Variants in PRKAR1A observed in about 807,000 individuals in gnomAD.
PRKAR1A encodes the protein cAMP-dependent protein kinase type I-alpha regulatory subunit.
Under a neutral mutation model 52.0 loss-of-function variants are expected in PRKAR1A, and 3 were observed. That is an observed-to-expected ratio of 0.06 (90% CI 0.03 to 0.15). PRKAR1A has a LOEUF of 0.15. PRKAR1A is among the 10% of genes least tolerant of loss of function. The pLI, the probability that PRKAR1A is intolerant of heterozygous loss-of-function variation, is 1.00. For missense variants in PRKAR1A, 240 were observed against 477.4 expected, an observed-to-expected ratio of 0.50 and a Z score of 4.63; for synonymous variants, 188 against 168.4, an observed-to-expected ratio of 1.12 and a Z score of -0.90.
the PRKAR1A span, among the ~76,000 whole-genome samples, chr17:68,442,783 C>T: frequency 6.6e-6 from 1 of 152,204 alleles, no homozygotes; most frequent in Non-Finnish European, 1.5e-5. Flanking sequence ...CAGAGTTAAA[C>T]ATGGTTCCAC....
chr17:68,436,555 A>G, the PRKAR1A span: 9 of 1,383,904 alleles, frequency 6.5e-6, no homozygotes, highest in Non-Finnish European at 8.2e-6. Context: ...GCATCTGAAA[A>G]CAGTACAGCT....
chr17:68,458,926 A>G, the PRKAR1A span, among the ~76,000 whole-genome samples: 1 of 152,142 alleles, frequency 6.6e-6, no homozygotes, highest in Non-Finnish European at 1.5e-5. Flanking sequence ...TGACAAAGCT[A>G]CTTTTATGTA....
chr17:68,455,584 G>A, the PRKAR1A span, among the ~76,000 whole-genome samples: 1 of 152,096 alleles, frequency 6.6e-6, no homozygotes, highest in Non-Finnish European at 1.5e-5. Flanking sequence ...ACCCTCTGTG[G>A]CTCAAAGCAA....
chr17:68,470,188 T>C, the PRKAR1A span, among the ~76,000 whole-genome samples: 1 of 151,928 alleles, frequency 6.6e-6, no homozygotes, highest in African/African-American at 2.4e-5. Context: ...GTTCAAGTGA[T>C]TCTCCTGCTT....
exon 12 of PRKAR1A, chr17:68,551,241 A>C: frequency 1.5e-5 from 12 of 811,662 alleles, no homozygotes; most frequent in East Asian, 6.7e-5. Flanking sequence ...TATTTCACTC[A>C]TCTCTATGTT....
At chr17:68,483,253 G>A in the PRKAR1A span, among the ~76,000 whole-genome samples, 1 of 151,838 alleles carries the variant, frequency 6.6e-6, no homozygotes, top group Non-Finnish European at 1.5e-5. Context: ...GGCAGAGGTG[G>A]GTGAATCACC....
chr17:68,427,380 A>C, the PRKAR1A span: 38 of 731,068 alleles, frequency 5.2e-5, no homozygotes, highest in Non-Finnish European at 7.9e-5. Context: ...TTTTTGAGGC[A>C]GGGTCTTGCT....
the PRKAR1A span, chr17:68,450,691 C>A: frequency 6.4e-7 from 1 of 1,571,852 alleles, no homozygotes. Flanking sequence ...CTCCCGTTAG[C>A]AGAAGCTTTG....
At chr17:68,437,014 A>ATGTGTG in the PRKAR1A span, among the ~76,000 whole-genome samples, 566 of 82,134 alleles carry the variant, frequency 6.9e-3, 5 homozygotes, top group African/African-American at 0.024. Context: ...AAATATATAT[A>ATGTGTG]TATGTGTGTG....
the PRKAR1A span, chr17:68,427,249 G>A: frequency 1.2e-6 from 2 of 1,612,774 alleles, no homozygotes; most frequent in Middle Eastern, 3.3e-4. Context: ...CCTGAGCCAA[G>A]CAAGCTACTT....
the PRKAR1A span, among the ~76,000 whole-genome samples, chr17:68,482,594 C>G: frequency 6.6e-6 from 1 of 152,136 alleles, no homozygotes; most frequent in African/African-American, 2.4e-5. Flanking sequence ...TTCCTTCACT[C>G]TGGGGCAATA....
chr17:68,502,266 G>T, the PRKAR1A span, among the ~76,000 whole-genome samples: 1 of 152,164 alleles, frequency 6.6e-6, no homozygotes, highest in Non-Finnish European at 1.5e-5. Context: ...TAAGGCAGGG[G>T]TTGGTAAGCT....
At chr17:68,509,249 C>T (rs540383214), upstream of PRKAR1A, among the ~76,000 whole-genome samples, 6 of 152,222 alleles carry the variant, frequency 3.9e-5, no homozygotes, top group South Asian at 2.1e-4. Context: ...TGCAGTGGTG[C>T]GATCATGGCT....
In PRKAR1A at chr17:68,515,142, C is replaced by G. The variant is rs2085389829; in HGVS notation, c.-6-252C>G. 3 of 499,518 alleles carry G rather than the reference C, an allele frequency of 6.0e-6. No homozygotes were observed. In the East Asian group the frequency reaches 1.1e-4, roughly 18 times the overall value. 30.9% of individuals were successfully genotyped at this position (499,518 alleles called of 1,614,324 possible). On this transcript the variant is annotated intron_variant, in intron 1 of 10. Transcript: ENST00000589228. Reference sequence around the variant, plus strand: ...GAGGTTAGTGGCTCATACTTCCTCCCAGGAGCTGAGGTTATCGACTCTCAC... The same window carrying G: ...GAGGTTAGTGGCTCATACTTCCTCCGAGGAGCTGAGGTTATCGACTCTCAC...
chr17:68,550,101 G>A (rs2086763424), intron 11 of PRKAR1A, among the ~76,000 whole-genome samples: 2 of 151,996 alleles, frequency 1.3e-5, no homozygotes, highest in African/African-American at 2.4e-5. Context: ...AGGGGAGTGG[G>A]GAAATAAGTT....
the PRKAR1A span, among the ~76,000 whole-genome samples, chr17:68,483,197 C>T: frequency 6.6e-5 from 10 of 151,978 alleles, no homozygotes; most frequent in Non-Finnish European, 1.3e-4. Flanking sequence ...GCTCCAGCAC[C>T]GGGCCAGGCG....
chr17:68,534,399 T>C, downstream of PRKAR1A, among the ~76,000 whole-genome samples: 1 of 152,186 alleles, frequency 6.6e-6, no homozygotes, highest in East Asian at 1.9e-4. Flanking sequence ...TAAACTTTAT[T>C]TGTAACCCCA....
chr17:68,512,920 C>T (rs1312245139), intron 1 of PRKAR1A: 2 of 152,446 alleles, frequency 1.3e-5, no homozygotes, highest in Middle Eastern at 3.4e-3. Context: ...GACAACGGCT[C>T]TATTTTACTG....
downstream of PRKAR1A, among the ~76,000 whole-genome samples, chr17:68,534,469 CCAACA>C: frequency 6.6e-6 from 1 of 152,074 alleles, no homozygotes; most frequent in East Asian, 1.9e-4. Context: ...TTTGAGCCTC[CCAACA>C]CACATGTTCC....
Sources: allele counts gnomAD v4.1 joint callset (sites outside exome capture counted in the v4.1 genomes callset), GRCh38; gene constraint gnomAD v4.1.1; transcripts MANE v1.5; gene names NCBI Gene and HGNC (gene_info 2026-07-23, HGNC 2026-07-21).